Variants in DOCK2 observed in about 807,000 individuals in gnomAD.
The protein encoded by DOCK2 is dedicator of cytokinesis 2.
DOCK2 carries 87 observed loss-of-function variants against 248.9 expected under a neutral mutation model. The ratio of observed to expected loss-of-function variants is 0.35; its 90% CI spans 0.29 to 0.42. The LOEUF (loss-of-function observed/expected upper bound fraction) is 0.42. Among genes scored for constraint, DOCK2 ranks in the 10% least tolerant of loss-of-function variants. The pLI is 1.00. For missense variants in DOCK2, 1,747 were observed against 2,300.2 expected (o/e 0.76, Z 4.92); for synonymous variants, 805 against 821.6 (o/e 0.98, Z 0.35).
intron 23 of DOCK2, among the ~76,000 whole-genome samples, chr5:169,757,618 C>A (rs1764261451): frequency 6.6e-6 from 1 of 152,016 alleles, no homozygotes; most frequent in Non-Finnish European, 1.5e-5. Flanking sequence ...TGACAGCCTG[C>A]AAATTAAAAT....
chr5:170,043,812 C>T (rs1323380900), intron 38 of DOCK2, among the ~76,000 whole-genome samples: 1 of 152,188 alleles, frequency 6.6e-6, no homozygotes, highest in Non-Finnish European at 1.5e-5. Context: ...GAGCTTTGTC[C>T]TCAGCAAGAT....
At chr5:169,804,334 A>G (rs1382822635) in intron 26 of DOCK2, among the ~76,000 whole-genome samples, 2 of 152,326 alleles carry the variant, frequency 1.3e-5, no homozygotes, top group East Asian at 3.9e-4. Flanking sequence ...ATATTAATAC[A>G]TATGACATAC....
At chr5:169,638,153 G>C (rs1368579769) in intron 1 of DOCK2, among the ~76,000 whole-genome samples, 1 of 152,046 alleles carries the variant, frequency 6.6e-6, no homozygotes, top group African/African-American at 2.4e-5. Context: ...AGTCACTCTG[G>C]AGCTTCCTAC....
intron 25 of DOCK2, among the ~76,000 whole-genome samples, chr5:169,781,193 T>C (rs1203072811): frequency 6.6e-6 from 1 of 152,150 alleles, no homozygotes; most frequent in African/African-American, 2.4e-5. Flanking sequence ...TGGGAGGAAA[T>C]TGGAGTACCT....
In DOCK2 at chr5:169,712,227, C is replaced by A. The variant is rs1402887463; in HGVS notation, c.1659+4C>A. On this transcript the variant is annotated splice_donor_region_variant and intron_variant, in intron 17 of 51. Transcript: ENST00000520908. ...CCATGACTTAGTTGTCCTCAAGGTA[C>A]CATGAGTTGGAAGGAGCTCTGCACT... 3 of 1,613,662 alleles carry A rather than the reference C, an allele frequency of 1.9e-6. No individual in the cohort carries two copies. In the Admixed American group the frequency reaches 5.0e-5, roughly 27 times the overall value.
intron 27 of DOCK2, among the ~76,000 whole-genome samples, chr5:169,918,530 G>A (rs1775000048): frequency 1.3e-5 from 2 of 152,190 alleles, no homozygotes; most frequent in African/African-American, 4.8e-5. Flanking sequence ...CATATGTGGT[G>A]AAATAGACAA....
intron 27 of DOCK2, among the ~76,000 whole-genome samples, chr5:169,946,623 T>C (rs1348500859): frequency 6.6e-6 from 1 of 152,244 alleles, no homozygotes; most frequent in Admixed American, 6.5e-5. Flanking sequence ...GGACTCATTG[T>C]GTATCAGCCA....
At chr5:170,046,534 G>A (rs1227079678) in intron 39 of DOCK2, among the ~76,000 whole-genome samples, 1 of 152,206 alleles carries the variant, frequency 6.6e-6, no homozygotes, top group African/African-American at 2.4e-5. Context: ...CCCACTTAGA[G>A]AGGCCAGGCC....
chr5:169,670,711 T>G lies in DOCK2; in HGVS notation c.224+114T>G, dbSNP rs1015857130. On this transcript the variant is annotated intron_variant, in intron 4 of 51. Coordinates refer to ENST00000520908, the MANE Select transcript of DOCK2 (RefSeq NM_004946.3). Reference sequence around the variant, plus strand: ...TGAGGGTTGCTCAGCTTATCTTCTTTGTGCCTGTGTATATTTGTGGGTCTC... The same window carrying G: ...TGAGGGTTGCTCAGCTTATCTTCTTGGTGCCTGTGTATATTTGTGGGTCTC... 2.4e-6 allele frequency: 3 copies of G among 1,260,610 alleles called. No homozygotes were observed. The Admixed American group carries it at 6.5e-5, about 27-fold the overall frequency. 78.1% of individuals were successfully genotyped at this position (1,260,610 alleles called of 1,614,324 possible). A position where few individuals can be genotyped will look rare whatever the true frequency, so the allele number is the denominator to read the frequency against.
intron 22 of DOCK2, among the ~76,000 whole-genome samples, chr5:169,744,570 GAGT>G: frequency 6.6e-6 from 1 of 151,154 alleles, no homozygotes; most frequent in Non-Finnish European, 1.5e-5. Flanking sequence ...GCAAAAAGGA[GAGT>G]TTATTTTAAA....
At position 169,835,259 on chromosome 5, in the gene DOCK2, G is replaced by GTTTTTT. The variant is rs763950012; in HGVS notation, c.2704-5498_2704-5497insTTTTTT. 1.2e-4 allele frequency among the ~76,000 whole-genome samples: 16 copies of GTTTTTT among 138,610 alleles called. 1 individual carries two copies. Among genetic ancestry groups the GTTTTTT allele is most frequent in the Non-Finnish European group, 6.0e-5 (4 of 66,280 alleles). The allele number at this position is 138,610 out of a possible 152,430, so 90.9% of individuals were successfully genotyped here. ...AGTGGGAGGAAAGAGTGAAATGCCT[G>GTTTTTT]GTTTTTTTTTTTTTTTTTTTGAGAC... On this transcript the variant is annotated intron_variant, in intron 26 of 51. Transcript: ENST00000520908.
chr5:170,040,705 C>T, intron 36 of DOCK2: 1 of 220,816 alleles, frequency 4.5e-6, no homozygotes, highest in Non-Finnish European at 7.9e-6. Flanking sequence ...ATTGCATTGG[C>T]CAGACCATTC....
rs139408585 is a variant in DOCK2, at chr5:169,775,674, C to T, written c.2554+14049C>T. ...TATAAGTTATTATGTTTATAAATAA[C>T]CCTATAAGAATGACTATTGCCAGAA... On this transcript the variant is annotated intron_variant, in intron 25 of 51. Coordinates refer to ENST00000520908, the MANE Select transcript of DOCK2 (RefSeq NM_004946.3). 4.7e-3 allele frequency among the ~76,000 whole-genome samples: 717 copies of T among 151,320 alleles called. 7 individuals are homozygous for T. Among genetic ancestry groups the T allele is most frequent in the African/African-American group, 0.016 (647 of 41,232 alleles).
chr5:169,747,306 T>A (rs578238752), intron 22 of DOCK2, 90 bp from the exon 23 acceptor site: 1 of 1,230,402 alleles, frequency 8.1e-7, no homozygotes, highest in Admixed American at 2.4e-5. Context: ...CCTTTTTGTT[T>A]TAAATTTTAA....
In DOCK2 at chr5:170,023,714, C is replaced by T. The variant is rs1018804423; in HGVS notation, c.3382-4149C>T. On this transcript the variant is annotated intron_variant, in intron 33 of 51. Transcript: ENST00000520908. Reference sequence around the variant, plus strand: ...TTCCTCCCAACTCTACTTCTTTCCACCCAGGATAACTGGCATTTCATAACA... The same window carrying T: ...TTCCTCCCAACTCTACTTCTTTCCATCCAGGATAACTGGCATTTCATAACA... Among the ~76,000 whole-genome samples, 8 of 152,184 alleles carry T rather than the reference C, an allele frequency of 5.3e-5. No homozygotes were observed. The East Asian group carries it at 1.2e-3, about 22-fold the overall frequency.
intron 22 of DOCK2, among the ~76,000 whole-genome samples, chr5:169,733,805 GGT>G (rs1238328987): frequency 2.0e-5 from 3 of 151,966 alleles, no homozygotes; most frequent in Non-Finnish European, 4.4e-5. Flanking sequence ...TTATCTCTCT[GGT>G]GGCTTGTAAG....
intron 26 of DOCK2, among the ~76,000 whole-genome samples, chr5:169,839,058 G>A (rs1405664742): frequency 6.6e-6 from 1 of 152,144 alleles, no homozygotes; most frequent in African/African-American, 2.4e-5. Flanking sequence ...GCTTGCTGGA[G>A]TACTTGTAAA....
At chr5:169,954,919 G>T (rs905287292) in intron 27 of DOCK2, among the ~76,000 whole-genome samples, 1 of 152,180 alleles carries the variant, frequency 6.6e-6, no homozygotes. Flanking sequence ...ATGAGCAGAC[G>T]TTTTCACCAG....
intron 8 of DOCK2, among the ~76,000 whole-genome samples, chr5:169,688,719 A>G (rs190453519): frequency 6.6e-6 from 1 of 152,294 alleles, no homozygotes; most frequent in East Asian, 1.9e-4. Flanking sequence ...TGGCATTTAA[A>G]CAGTTATTTA....
Sources: gnomAD v4.1 joint callset for allele counts (sites outside exome capture counted in the v4.1 genomes callset) on GRCh38, gnomAD v4.1.1 for gene constraint, MANE v1.5 for transcripts, NCBI Gene and HGNC (gene_info 2026-07-23, HGNC 2026-07-21) for gene names.